Variants in FUT8 observed in about 807,000 individuals in gnomAD.
FUT8 encodes the protein fucosyltransferase 8, also known as alpha-(1,6)-fucosyltransferase.
A neutral mutation model predicts 71.3 loss-of-function variants in FUT8; 29 were observed. That is an observed-to-expected ratio of 0.41 (90% CI 0.30 to 0.55). The LOEUF is 0.55. Ranked by LOEUF, FUT8 falls within the 20% of genes least tolerant of loss-of-function variation. The pLI is 0.34. For missense variants in FUT8, 544 were observed against 702.1 expected (o/e 0.77, Z 2.55); for synonymous variants, 254 against 239.3 (o/e 1.06, Z -0.57).
intron 2 of FUT8, among the ~76,000 whole-genome samples, chr14:65,517,153 T>A (rs1239544642): frequency 6.6e-6 from 1 of 152,140 alleles, no homozygotes; most frequent in African/African-American, 2.4e-5. Flanking sequence ...TTTTGGCTAT[T>A]GTGAATAATT....
the FUT8 span, among the ~76,000 whole-genome samples, chr14:65,392,686 G>A: frequency 6.6e-6 from 1 of 152,154 alleles, no homozygotes; most frequent in East Asian, 1.9e-4. Flanking sequence ...TAATAGGAGC[G>A]AAAACATTAC....
chr14:65,582,059 A>G (rs964615209), intron 3 of FUT8, among the ~76,000 whole-genome samples: 9 of 152,182 alleles, frequency 5.9e-5, no homozygotes, highest in Non-Finnish European at 1.3e-4. Flanking sequence ...TTTGCGGTAT[A>G]GAAAATAGAG....
chr14:65,625,442 A>G (rs1353990208), intron 5 of FUT8, among the ~76,000 whole-genome samples: 1 of 152,226 alleles, frequency 6.6e-6, no homozygotes, highest in Non-Finnish European at 1.5e-5. Context: ...TTTGAAGTTG[A>G]AACTTTGCCT....
chr14:65,416,173 TTA>T (rs2065216364), intron 1 of FUT8, among the ~76,000 whole-genome samples: 1 of 152,196 alleles, frequency 6.6e-6, no homozygotes, highest in Non-Finnish European at 1.5e-5. Context: ...TCATTTCATA[TTA>T]TAGCAAATTG....
At position 65,503,423 on chromosome 14, in the gene FUT8, G is replaced by A. The variant is rs1473392643; in HGVS notation, c.-228+47705G>A. 3.3e-5 allele frequency among the ~76,000 whole-genome samples: 5 copies of A among 152,170 alleles called. No homozygotes were observed. In the East Asian group the frequency reaches 7.7e-4, roughly 23 times the overall value. ...TGTTTAGTGTGAATTTCATACTGAT[G>A]GCATTTCTCTGCTTTTGACAGTTTC... On this transcript the variant is annotated intron_variant, in intron 2 of 10. Coordinates refer to ENST00000673929, the MANE Select transcript of FUT8 (RefSeq NM_001371533.1).
At chr14:65,565,481 AC>A (rs1886146377) in intron 3 of FUT8, among the ~76,000 whole-genome samples, 1 of 151,884 alleles carries the variant, frequency 6.6e-6, no homozygotes, top group Non-Finnish European at 1.5e-5. Flanking sequence ...TGTTTCATAA[AC>A]TTTTGTATGA....
chr14:65,474,455 A>AAAAAAAAAAAAAAAAAAAAAAAAAC, intron 2 of FUT8, among the ~76,000 whole-genome samples: 1 of 147,700 alleles, frequency 6.8e-6, no homozygotes, highest in East Asian at 2.0e-4. Context: ...AAAAAAAAAA[A>AAAAAAAAAAAAAAAAAAAAAAAAAC]AAGCCAGGCG....
intron 3 of FUT8, 150 bp downstream of exon 3, chr14:65,561,916 A>T: frequency 2.9e-6 from 2 of 700,056 alleles, no homozygotes; most frequent in South Asian, 3.7e-5. Context: ...ATCTCTGTGT[A>T]TTTAATACAG....
chr14:65,418,714 C>T (rs1261397987), intron 1 of FUT8, among the ~76,000 whole-genome samples: 1 of 152,068 alleles, frequency 6.6e-6, no homozygotes, highest in Admixed American at 6.6e-5. Flanking sequence ...CCTCTACTTA[C>T]TTCTCCTTGT....
At chr14:65,365,328 CCTCTCTCT>C in the FUT8 span, among the ~76,000 whole-genome samples, 6,672 of 139,008 alleles carry the variant, frequency 0.048, 282 homozygotes, top group South Asian at 0.18. Flanking sequence ...ATAAATTCTT[CCTCTCTCT>C]CTCTCTCTCT....
At chr14:65,657,809 TAA>T (rs1891759401) in intron 6 of FUT8, among the ~76,000 whole-genome samples, 1 of 152,064 alleles carries the variant, frequency 6.6e-6, no homozygotes, top group Admixed American at 6.6e-5. Flanking sequence ...TAAAAATAAC[TAA>T]AAGAGTATAA....
intron 7 of FUT8, among the ~76,000 whole-genome samples, chr14:65,716,431 CTTT>C (rs201105372): frequency 3.0e-5 from 3 of 99,252 alleles, no homozygotes; most frequent in Admixed American, 9.9e-5. Context: ...GACAGGATTT[CTTT>C]TTTTTTTTTT....
rs557475823 is a variant in FUT8, at chr14:65,688,443, G to A, written c.835+18963G>A. Among the ~76,000 whole-genome samples the A allele has an allele frequency of 2.4e-4, 31 of 127,494 alleles. No homozygotes were observed. In the South Asian group the frequency reaches 8.0e-3, roughly 33 times the overall value. The allele number at this position is 127,494 out of a possible 152,430, so 83.6% of individuals were successfully genotyped here. On this transcript the variant is annotated intron_variant, in intron 7 of 10. Transcript: ENST00000673929. Reference sequence around the variant, plus strand: ...TTTCTTTTTATTGCTGAATTGTACTGTATTATATGGATGCATCACAGTTTA... The same window carrying A: ...TTTCTTTTTATTGCTGAATTGTACTATATTATATGGATGCATCACAGTTTA...
Position 65,643,686 on chromosome 14 carries a change from A to ACACACACACACACG in FUT8, c.597+14093_597+14094insGCACACACACACAC, listed in dbSNP as rs1890970978. The stretch of plus-strand genomic sequence containing the variant: ...AAAATACACACACACACACACACAC[A>ACACACACACACACG]CACACACACACACACACACACACAC... On this transcript the variant is annotated intron_variant, in intron 6 of 10. Transcript: ENST00000673929. This position sits in a 1 kb window ranked among gnomAD's most constrained non-coding sequence, Gnocchi z 4.5. 6.9e-6 allele frequency among the ~76,000 whole-genome samples: 1 copy of ACACACACACACACG among 144,364 alleles called. No individual in the cohort carries two copies. The highest frequency in any genetic ancestry group is 1.5e-5 in the Non-Finnish European group (1 of 67,122). 94.7% of individuals were successfully genotyped at this position (144,364 alleles called of 152,430 possible).
At chr14:65,497,361 G>T (rs1211678347) in intron 2 of FUT8, among the ~76,000 whole-genome samples, 1 of 152,266 alleles carries the variant, frequency 6.6e-6, no homozygotes, top group African/African-American at 2.4e-5. Flanking sequence ...TTGGAAGCTT[G>T]TTAAAATGTA....
At chr14:65,371,513 T>G in the FUT8 span, among the ~76,000 whole-genome samples, 2 of 152,242 alleles carry the variant, frequency 1.3e-5, no homozygotes, top group East Asian at 3.8e-4. Context: ...TTGGCACTTT[T>G]GAAAATTACA....
At chr14:65,412,125 C>T (rs1478569059), upstream of FUT8, 1 of 454,910 alleles carries the variant, frequency 2.2e-6, no homozygotes, top group East Asian at 7.4e-5. Flanking sequence ...AACTCAGGCC[C>T]TCGTGGGGGG....
chr14:65,386,876 CTG>C, the FUT8 span, among the ~76,000 whole-genome samples: 1 of 120,294 alleles, frequency 8.3e-6, no homozygotes, highest in African/African-American at 3.1e-5. Context: ...GAGTCTCACT[CTG>C]TTGCCCAGGC....
the FUT8 span, among the ~76,000 whole-genome samples, chr14:65,394,588 T>C: frequency 6.6e-6 from 1 of 152,200 alleles, no homozygotes; most frequent in Non-Finnish European, 1.5e-5. Context: ...GGCAAGTCCC[T>C]TCCACCTATG....
Sources: gnomAD v4.1 joint callset for allele counts (sites outside exome capture counted in the v4.1 genomes callset) on GRCh38, gnomAD v4.1.1 for gene constraint, Gnocchi (gnomAD v3.1) non-coding constraint, MANE v1.5 for transcripts, NCBI Gene and HGNC (gene_info 2026-07-23, HGNC 2026-07-21) for gene names.